The following MYH7 variants were observed in gnomAD, a reference collection of about 807,000 sequenced individuals.
The protein encoded by MYH7 is myosin heavy chain 7, also known as myosin-7.
In MYH7, 129 loss-of-function variants were observed where a neutral mutation model predicts 225.4. That is an observed-to-expected ratio of 0.57 (90% CI 0.50 to 0.66). The LOEUF (loss-of-function observed/expected upper bound fraction) is 0.66. Ranked by LOEUF, MYH7 falls within the 30% of genes least tolerant of loss-of-function variation. The pLI is 0.00. For missense variants in MYH7, 1,649 were observed against 2,517.0 expected, an observed-to-expected ratio of 0.66 and a Z score of 7.38; for synonymous variants, 971 against 1,007.6, an observed-to-expected ratio of 0.96 and a Z score of 0.69.
chr14:23,422,476 G>A (rs1163185709), intron 24 of MYH7, 151 bp from the exon 25 acceptor site: 3 of 969,196 alleles, frequency 3.1e-6, no homozygotes, highest in Non-Finnish European at 4.8e-6. Context: ...GGGACTGTGA[G>A]ATTGCCTAGA....
intron 17 of MYH7, 58 bp from the exon 18 acceptor site, chr14:23,426,922 A>C: frequency 7.1e-7 from 1 of 1,407,706 alleles, no homozygotes; most frequent in African/African-American, 1.4e-5. Context: ...AGATGCAGGA[A>C]GAAGAGAGGA....
chr14:23,429,726 A>G, intron 12 of MYH7, 49 bp downstream of exon 12: 3 of 1,607,076 alleles, frequency 1.9e-6, no homozygotes, highest in Non-Finnish European at 2.5e-6. Flanking sequence ...CTGAGCAGAC[A>G]TGGCCCTCCA....
intron 12 of MYH7, 30 bp from the exon 13 acceptor site, chr14:23,429,377 G>A: frequency 1.3e-6 from 2 of 1,592,510 alleles, no homozygotes; most frequent in Non-Finnish European, 1.7e-6. Flanking sequence ...AGCAAAGTTG[G>A]TAAAGAGATG....
chr14:23,430,804 C>T (rs1015325488), intron 10 of MYH7, 97 bp downstream of exon 10: 2 of 1,255,824 alleles, frequency 1.6e-6, no homozygotes, highest in Non-Finnish European at 2.3e-6. Flanking sequence ...TCCAGCAGTG[C>T]CATGAAACCC....
At position 23,415,897 on chromosome 14, in the gene MYH7, G is replaced by A; in HGVS notation, c.4954-65C>T. 2 of 1,613,000 alleles carry A rather than the reference G, an allele frequency of 1.2e-6. No individual in the cohort carries two copies. Among genetic ancestry groups the A allele is most frequent in the Non-Finnish European group, 1.7e-6 (2 of 1,179,190 alleles). ...TCGGTTCCCTTCACTAAAGGCACCT[G>A]TCAGAGGTCCCTGCAGTAACCTAGG... On this transcript the variant is annotated intron_variant, in intron 34 of 39. Coordinates refer to ENST00000355349, the MANE Select transcript of MYH7 (RefSeq NM_000257.4). The surrounding 1 kb of genome is among the most constrained non-coding windows in gnomAD (Gnocchi z 6.3).
chr14:23,423,671 A>G lies in MYH7; in HGVS notation c.2975T>C (p.Leu992Pro). ...MAGLDEIIAK[L>P]TKEKKALQEA... ...TTGCAGAGCTTTCTTCTCCTTGGTC[A>G]GCTTGGCAATGATCTCATCCAGCCC... The change falls in exon 24 of 40, where the codon CTG becomes CCG. Residue 992 changes from leucine to proline, a missense_variant. This residue lies in a region of MYH7 where 282 missense variants were observed against 315.3 expected (regional missense o/e 0.89). Transcript: ENST00000355349. 1 of 1,614,102 alleles carries G rather than the reference A, an allele frequency of 6.2e-7. No homozygotes were observed. The highest frequency in any genetic ancestry group is 8.5e-7 in the Non-Finnish European group (1 of 1,180,014).
At chr14:23,431,150 T>C (rs1892919054) in intron 9 of MYH7, 151 bp from the exon 10 acceptor site, 2 of 719,032 alleles carry the variant, frequency 2.8e-6, no homozygotes, top group African/African-American at 1.8e-5. Flanking sequence ...CACAGAGAGA[T>C]GGAAACAGAG....
chr14:23,414,481 C>T (rs1199510564), intron 37 of MYH7, among the ~76,000 whole-genome samples: 1 of 151,936 alleles, frequency 6.6e-6, no homozygotes, highest in Admixed American at 6.6e-5. Flanking sequence ...GCAATGCAGG[C>T]CAGGAAAACA....
Position 23,425,990 on chromosome 14 carries a change from G to T in MYH7, c.2136C>A (p.Arg712=). Residue 712 remains arginine, a synonymous_variant, in exon 19 of 40, where the codon CGC becomes CGA. Transcript: ENST00000355349. The surrounding 1 kb of genome is among the most constrained non-coding windows in gnomAD (Gnocchi z 4.6). ...TCTGCCGGAAGTCCCCGTAGAGGAT[G>T]CGGTTGGGGAAGCCTTTCCTGCAGA... The part of the protein sequence containing the change: ...IRICRKGFPN[R]ILYGDFRQRY... 6.2e-7 allele frequency: 1 copy of T among 1,614,138 alleles called. No homozygotes were observed. Among genetic ancestry groups the T allele is most frequent in the Non-Finnish European group, 8.5e-7 (1 of 1,180,044 alleles).
At position 23,422,325 on chromosome 14, in the gene MYH7, G is replaced by C. The variant is rs1892507615; in HGVS notation, c.3100C>G (p.Leu1034Val). Residue 1034 changes from leucine to valine, a missense_variant and splice_region_variant, in exon 25 of 40, where the codon CTG (leucine) becomes GTG (valine). Transcript: ENST00000355349. ...KVKLEQQVDDLEGSLEQEKKV... is the reference protein window; with the variant it reads ...KVKLEQQVDDVEGSLEQEKKV... ...TTCTCTTGCTCCAGGGATCCTTCCA[G>C]CTGGTAGAGAGAAGGAGCCAGGCCC... 6.2e-7 allele frequency: 1 copy of C among 1,614,080 alleles called. No homozygotes were observed. The highest frequency in any genetic ancestry group is 8.5e-7 in the Non-Finnish European group (1 of 1,180,048).
In MYH7 at chr14:23,431,619, G is replaced by A. The variant is rs727504362; in HGVS notation, c.698C>T (p.Ala233Val). The A allele has an allele frequency of 6.2e-7, 1 of 1,614,280 alleles. No individual in the cohort carries two copies. Among genetic ancestry groups the A allele is most frequent in the African/African-American group, 1.3e-5 (1 of 75,084 alleles). The part of the protein sequence containing the change: ...ANPALEAFGN[A>V]KTVRNDNSSR... The stretch of plus-strand genomic sequence containing the variant: ...GGAGTTGTCGTTCCGGACGGTCTTG[G>A]CATTGCCAAAGGCCTCCAGAGCAGG... Residue 233 changes from alanine to valine, a missense_variant, in exon 8 of 40, where the codon GCC becomes GTC. By Grantham distance (64) the Ala-to-Val change is moderately conservative. Around this residue, in one of 12 missense-constraint regions of MYH7, gnomAD observed 131 missense variants for 231.3 expected, o/e 0.57. Coordinates refer to ENST00000355349, the MANE Select transcript of MYH7 (RefSeq NM_000257.4).
chr14:23,430,052 A>C, intron 11 of MYH7, 139 bp from the exon 12 acceptor site: 1 of 1,011,952 alleles, frequency 9.9e-7, no homozygotes, highest in South Asian at 1.4e-5. Flanking sequence ...GGGAGCTCCA[A>C]AACAAAGGAT....
chr14:23,432,394 TGCCTCGGG>T lies in MYH7; in HGVS notation c.530+77_530+84del, dbSNP rs1331335944. 3.2e-6 allele frequency: 5 copies of T among 1,552,568 alleles called. No individual in the cohort carries two copies. The African/African-American group carries it at 5.4e-5, about 17-fold the overall frequency. ...GTTGGGGGGAAAGAGGCTGAGTCTATGCCTCGGGGCCTGGGACACCTGATGGGGCTGGA... is the reference window on the plus strand; with the variant it reads ...GTTGGGGGGAAAGAGGCTGAGTCTATGCCTGGGACACCTGATGGGGCTGGA... On this transcript the variant is annotated intron_variant, in intron 6 of 39. Transcript: ENST00000355349.
chr14:23,429,446 C>T (rs1479503393), intron 12 of MYH7, 99 bp from the exon 13 acceptor site: 6 of 1,211,740 alleles, frequency 5.0e-6, no homozygotes, highest in African/African-American at 1.5e-5. Flanking sequence ...GAGGCCAAGG[C>T]AGGCGGATCA....
chr14:23,435,572 C>G (rs1200901378), intron 1 of MYH7, 48 bp downstream of exon 1: 1 of 152,464 alleles, frequency 6.6e-6, no homozygotes, highest in African/African-American at 2.4e-5. Flanking sequence ...CCTTCCTAAG[C>G]CTGGAGCCCC....
chr14:23,423,604 C>T lies in MYH7; in HGVS notation c.3042G>A (p.Glu1014=), dbSNP rs1471909495. Residue 1014 remains glutamate (E), a synonymous_variant, in exon 24 of 40, where the codon GAG becomes GAA. Transcript: ENST00000355349. ...QQALDDLQAE[E]DKVNTLTKAK... ...CCTTAGTCAGGGTGTTGACCTTGTC[C>T]TCCTCGGCCTGAAGGTCATCCAGAG... 7 of 1,614,098 alleles carry T rather than the reference C, an allele frequency of 4.3e-6. No individual in the cohort carries two copies. Among genetic ancestry groups the T allele is most frequent in the East Asian group, 4.5e-5 (2 of 44,854 alleles).
At chr14:23,424,501 G>A (rs572400504) in intron 22 of MYH7, among the ~76,000 whole-genome samples, 3 of 152,336 alleles carry the variant, frequency 2.0e-5, no homozygotes, top group East Asian at 1.9e-4. Flanking sequence ...GCTCAAAGAT[G>A]ATGCATGGTC....
chr14:23,419,506 C>T lies in MYH7; in HGVS notation c.3830G>A (p.Arg1277Gln), dbSNP rs397516195. 3.8e-5 allele frequency: 61 copies of T among 1,613,974 alleles called. No individual in the cohort carries two copies. Among genetic ancestry groups the T allele is most frequent in the Middle Eastern group, 3.3e-4 (2 of 6,074 alleles). Residue 1277 changes from arginine (R) to glutamine (Q), a missense_variant, in exon 28 of 40, where the codon CGG becomes CAG. Physicochemically the swap from Arg to Gln is conservative, Grantham distance 43. Coordinates refer to ENST00000355349, the MANE Select transcript of MYH7 (RefSeq NM_000257.4). ...QRSVNDLTSQ[R>Q]AKLQTENGEL... ...ACCATTCTCGGTTTGCAACTTGGCC[C>T]GCTGGCTGGTGAGGTCGTTGACAGA...
Position 23,416,183 on chromosome 14 carries a change from G to A in MYH7, c.4774C>T (p.Arg1592Trp), listed in dbSNP as rs1468958169. ...EMEQAKRNHL[R>W]VVDSLQTSLD... ...GAGGTCTGCAGCGAGTCCACCACCC[G>A]CAGGTGGTTGCGCTTGGCCTGTTCC... The change falls in exon 34 of 40, where the codon CGG (arginine) becomes TGG (tryptophan). Residue 1592 changes from arginine to tryptophan, a missense_variant. Around this residue, in one of 12 missense-constraint regions of MYH7, gnomAD observed 687 missense variants for 913.8 expected, o/e 0.75. Transcript: ENST00000355349. The A allele has an allele frequency of 8.1e-6, 13 of 1,614,128 alleles. No individual in the cohort carries two copies. The highest frequency in any genetic ancestry group is 1.1e-5 in the Non-Finnish European group (13 of 1,180,028).
Sources: allele counts gnomAD v4.1 joint callset (sites outside exome capture counted in the v4.1 genomes callset), GRCh38; gene constraint gnomAD v4.1.1; regional missense constraint gnomAD v4.1.1; non-coding constraint Gnocchi (gnomAD v3.1); transcripts MANE v1.5; gene names NCBI Gene and HGNC (gene_info 2026-07-23, HGNC 2026-07-21).